Variants in SEMA6C observed in about 807,000 individuals in gnomAD.
The protein encoded by SEMA6C is semaphorin 6C.
SEMA6C carries 37 observed loss-of-function variants against 72.9 expected under a neutral mutation model. The observed-to-expected ratio is 0.51, with a 90% CI of 0.39 to 0.67. The LOEUF is 0.67. Ranked by LOEUF, SEMA6C falls within the 30% of genes least tolerant of loss-of-function variation. The pLI is 0.00. For synonymous variants in SEMA6C, 578 were observed against 554.1 expected, an observed-to-expected ratio of 1.04 and a Z score of -0.61; for missense variants, 1,189 against 1,263.6, an observed-to-expected ratio of 0.94 and a Z score of 0.89.
In SEMA6C at chr1:151,145,336, C is replaced by A. The variant is rs1188357036; in HGVS notation, c.-104-902G>T. On this transcript the variant is annotated intron_variant, in intron 1 of 18. Coordinates refer to ENST00000368914, the MANE Select transcript of SEMA6C (RefSeq NM_030913.6). This position sits in a 1 kb window ranked among gnomAD's most constrained non-coding sequence, Gnocchi z 4.4. The stretch of plus-strand genomic sequence containing the variant: ...CTGGGCTGGGGACAATAGCAGGAAG[C>A]CTTTGGGCTGGTCGCCCGCCCCAGT... 1 of 152,364 alleles carries A rather than the reference C, an allele frequency of 6.6e-6. No individual in the cohort carries two copies. The highest frequency in any genetic ancestry group is 1.5e-5 in the Non-Finnish European group (1 of 68,152). The allele number at this position is 152,364 out of a possible 1,614,324, so 9.4% of individuals were successfully genotyped here.
chr1:151,133,308 G>T lies in SEMA6C; in HGVS notation c.1969C>A (p.Leu657Ile), dbSNP rs1467955431. ...GGGGGCTCTGGGCCCCCACCGTGGA[G>T]CCGGGCCAAACTGCGGAGGGAGAGA... ...RPLSLRSLAR[L>I]HGGGPEPPPP... The change falls in exon 19 of 19, where the codon CTC becomes ATC. Residue 657 changes from leucine (L) to isoleucine (I), a missense_variant. Coordinates refer to ENST00000368914, the MANE Select transcript of SEMA6C (RefSeq NM_030913.6). This position sits in a 1 kb window ranked among gnomAD's most constrained non-coding sequence, Gnocchi z 5.9. 3 of 1,586,156 alleles carry T rather than the reference G, an allele frequency of 1.9e-6. No individual in the cohort carries two copies. The highest frequency in any genetic ancestry group is 2.6e-6 in the Non-Finnish European group (3 of 1,169,708).
At chr1:151,138,217 C>A in intron 8 of SEMA6C, 99 bp downstream of exon 8, 1 of 1,583,064 alleles carries the variant, frequency 6.3e-7, no homozygotes, top group South Asian at 1.2e-5. Context: ...TACCTCAACC[C>A]TCCACTCAGG....
chr1:151,134,033 G>C (rs1434918623), intron 18 of SEMA6C: 1 of 1,531,154 alleles, frequency 6.5e-7, no homozygotes, highest in East Asian at 2.4e-5. Flanking sequence ...GGGTCCCAGG[G>C]GAAGGGCCAG....
chr1:151,133,428 C>T lies in SEMA6C; in HGVS notation c.1849G>A (p.Gly617Ser). 1.3e-6 allele frequency: 2 copies of T among 1,587,716 alleles called. No individual in the cohort carries two copies. The highest frequency in any genetic ancestry group is 1.7e-6 in the Non-Finnish European group (2 of 1,170,816). The part of the protein sequence containing the change: ...LASVAAAFAL[G>S]ASVSGLLVSC... Reference sequence around the variant, plus strand: ...ACCAGGAGGCCAGAGACTGAGGCGCCCAGGGCAAAAGCTGCGGCCACACTG... The same window carrying T: ...ACCAGGAGGCCAGAGACTGAGGCGCTCAGGGCAAAAGCTGCGGCCACACTG... The change falls in exon 19 of 19, where the codon GGC becomes AGC. Residue 617 changes from glycine to serine, a missense_variant. Gly to Ser is a moderately conservative substitution (Grantham distance 56, BLOSUM62 0). Transcript: ENST00000368914. This position sits in a 1 kb window ranked among gnomAD's most constrained non-coding sequence, Gnocchi z 5.9.
At position 151,131,969 on chromosome 1, in the gene SEMA6C, GGCCCAGATGAAGGCAGAGAGCGAGGGC is replaced by G. The variant is rs1226411384; in HGVS notation, c.*488_*514del. ...CATCCCATTACCCGGGAGAGCCCAG[GGCCCAGATGAAGGCAGAGAGCGAGGGC>G]GCCCAGAGCGAGCCGACCGACTGCC... On this transcript the variant is annotated 3_prime_UTR_variant, in exon 19 of 19. Transcript: ENST00000368914. The G allele has an allele frequency of 3.7e-6, 1 of 273,192 alleles. No individual in the cohort carries two copies. Among genetic ancestry groups the G allele is most frequent in the East Asian group, 1.3e-4 (1 of 7,440 alleles). The allele number at this position is 273,192 out of a possible 1,614,324, so 16.9% of individuals were successfully genotyped here.
chr1:151,137,850 C>G, intron 9 of SEMA6C, 51 bp from the exon 10 acceptor site: 2 of 1,589,120 alleles, frequency 1.3e-6, no homozygotes, highest in Non-Finnish European at 1.7e-6. Context: ...TGTACCTGCT[C>G]AGAAGCTCCT....
intron 3 of SEMA6C, among the ~76,000 whole-genome samples, chr1:151,142,221 G>C (rs1049726262): frequency 3.3e-5 from 5 of 152,006 alleles, no homozygotes; most frequent in African/African-American, 1.2e-4. Flanking sequence ...TGTATTTTTA[G>C]TAGAGATGGG....
At chr1:151,143,021 A>G (rs1418520426) in intron 2 of SEMA6C, among the ~76,000 whole-genome samples, 2 of 152,172 alleles carry the variant, frequency 1.3e-5, no homozygotes, top group Non-Finnish European at 2.9e-5. Context: ...CTTCTCAGCT[A>G]TAATTAGAGA....
At chr1:151,135,562 G>C (rs1335396904) in intron 14 of SEMA6C, 29 bp downstream of exon 14, 1 of 1,592,826 alleles carries the variant, frequency 6.3e-7, no homozygotes, top group Admixed American at 1.8e-5. Context: ...TCCCTGCTTT[G>C]CAGGGGGCCT....
Position 151,136,433 on chromosome 1 carries a change from C to A in SEMA6C, c.1106+15G>T. 1 of 1,610,400 alleles carries A rather than the reference C, an allele frequency of 6.2e-7. No individual in the cohort carries two copies. The highest frequency in any genetic ancestry group is 8.5e-7 in the Non-Finnish European group (1 of 1,178,844). The stretch of plus-strand genomic sequence containing the variant: ...CTTGCTTCTGCCCCCACAAAAACAA[C>A]TCCATCCTGGGTACCTGGGTGAGGG... On this transcript the variant is annotated intron_variant, in intron 12 of 18. Transcript: ENST00000368914.
chr1:151,138,275 C>G (rs1447693968), intron 8 of SEMA6C, 41 bp downstream of exon 8: 1 of 1,604,894 alleles, frequency 6.2e-7, no homozygotes, highest in African/African-American at 1.3e-5. Context: ...TGGGAGCTCC[C>G]TCCAGCCACA....
intron 13 of SEMA6C, 45 bp downstream of exon 13, chr1:151,135,966 G>A (rs773254417): frequency 2.5e-6 from 4 of 1,611,070 alleles, no homozygotes; most frequent in East Asian, 4.5e-5. Flanking sequence ...AGAGGAGGGT[G>A]GCTGAGAACA....
chr1:151,136,718 G>A, intron 11 of SEMA6C, 139 bp from the exon 12 acceptor site: 1 of 1,360,266 alleles, frequency 7.4e-7, no homozygotes, highest in Non-Finnish European at 1.0e-6. Flanking sequence ...TGCCACACTA[G>A]GAGAAAAAAT....
At chr1:151,135,047 T>G (rs1364556921) in intron 15 of SEMA6C, 116 bp downstream of exon 15, 1 of 1,473,220 alleles carries the variant, frequency 6.8e-7, no homozygotes, top group Non-Finnish European at 9.3e-7. Context: ...TTGAGGTACC[T>G]AGGCACCCCA....
In SEMA6C at chr1:151,139,412, TCTCA is replaced by T. The variant is rs760147405; in HGVS notation, c.354+9_354+12del. The T allele has an allele frequency of 1.1e-5, 18 of 1,611,360 alleles. No homozygotes were observed. Among genetic ancestry groups the T allele is most frequent in the Non-Finnish European group, 1.4e-5 (17 of 1,177,436 alleles). ...TCCTCTCCTTCCCTCCACATTCTCG[TCTCA>T]CTCCTTACCGTCAGCTTTCCCCGTA... On this transcript the variant is annotated intron_variant, in intron 6 of 18. Transcript: ENST00000368914.
chr1:151,144,853 T>A (rs926464715), intron 1 of SEMA6C, among the ~76,000 whole-genome samples: 2 of 152,144 alleles, frequency 1.3e-5, no homozygotes, highest in African/African-American at 4.8e-5. Flanking sequence ...AATGATCTGA[T>A]AGCAAGCACC....
intron 17 of SEMA6C, 42 bp downstream of exon 17, chr1:151,134,578 T>C (rs1312289962): frequency 3.1e-6 from 5 of 1,609,716 alleles, no homozygotes; most frequent in Middle Eastern, 1.7e-4. Flanking sequence ...ATCATGGCCA[T>C]GTGCAGCTTT....
chr1:151,136,265 C>A, intron 12 of SEMA6C, 102 bp from the exon 13 acceptor site: 8 of 1,523,352 alleles, frequency 5.3e-6, no homozygotes, highest in Non-Finnish European at 5.4e-6. Context: ...AAGCCTTGCT[C>A]CCCCTCCACA....
chr1:151,133,122 A>T lies in SEMA6C; in HGVS notation c.2155T>A (p.Trp719Arg). The change falls in exon 19 of 19, where the codon TGG becomes AGG. Residue 719 changes from tryptophan (W) to arginine (R), a missense_variant. Around this residue, in one of 2 missense-constraint regions of SEMA6C, gnomAD observed 721 missense variants for 686.2 expected, o/e 1.05. Coordinates refer to ENST00000368914, the MANE Select transcript of SEMA6C (RefSeq NM_030913.6). This position sits in a 1 kb window ranked among gnomAD's most constrained non-coding sequence, Gnocchi z 5.9. ...TTGTTCCTGTTCTGGTTCCACTCCC[A>T]GGGGTCCCCGGCGGCGCGGAGGTGC... is the stretch of plus-strand genomic sequence containing the variant. The part of the protein sequence containing the change: ...VKHLRAAGDP[W>R]EWNQNRNNAK... The T allele has an allele frequency of 6.4e-7, 1 of 1,565,508 alleles. No homozygotes were observed. Among genetic ancestry groups the T allele is most frequent in the Non-Finnish European group, 8.6e-7 (1 of 1,167,430 alleles).
Sources: allele counts gnomAD v4.1 joint callset (sites outside exome capture counted in the v4.1 genomes callset), GRCh38; gene constraint gnomAD v4.1.1; regional missense constraint gnomAD v4.1.1; non-coding constraint Gnocchi (gnomAD v3.1); transcripts MANE v1.5; gene names NCBI Gene and HGNC (gene_info 2026-07-23, HGNC 2026-07-21).